The following RBMS2 variants were observed in gnomAD, a reference collection of about 807,000 sequenced individuals.
RBMS2 encodes RNA binding motif single stranded interacting protein 2.
A neutral mutation model predicts 58.4 loss-of-function variants in RBMS2; 38 were observed. The ratio of observed to expected loss-of-function variants is 0.65; its 90% CI spans 0.50 to 0.85. The LOEUF (loss-of-function observed/expected upper bound fraction) is 0.85. Among genes scored for constraint, RBMS2 ranks in the 40% least tolerant of loss-of-function variants. The pLI, the probability that RBMS2 is intolerant of heterozygous loss-of-function variation, is 0.00. For synonymous variants in RBMS2, 151 were observed against 180.7 expected, an observed-to-expected ratio of 0.84 and a Z score of 1.32; for missense variants, 367 against 503.7, an observed-to-expected ratio of 0.73 and a Z score of 2.60.
Position 56,590,244 on chromosome 12 carries a change from A to G in RBMS2, c.*1111A>G, listed in dbSNP as rs1885207488. 6.6e-6 allele frequency: 1 copy of G among 152,204 alleles called. No homozygotes were observed. The highest frequency in any genetic ancestry group is 1.5e-5 in the Non-Finnish European group (1 of 68,054). 9.4% of individuals were successfully genotyped at this position (152,204 alleles called of 1,614,324 possible). On this transcript the variant is annotated 3_prime_UTR_variant, in exon 14 of 14. Coordinates refer to ENST00000262031, the MANE Select transcript of RBMS2 (RefSeq NM_002898.4). ...TTCCCTGTTACACATTGCTGTGCTC[A>G]GAGCCTTTGCAGCTGCGACCTAGTT...
chr12:56,527,706 C>T (rs1872915159), intron 1 of RBMS2, among the ~76,000 whole-genome samples: 1 of 152,008 alleles, frequency 6.6e-6, no homozygotes, highest in Admixed American at 6.6e-5. Flanking sequence ...TCTAGCCCAA[C>T]ACCTACTATC....
At chr12:56,561,692 A>G (rs1880422095) in intron 1 of RBMS2, among the ~76,000 whole-genome samples, 1 of 130,978 alleles carries the variant, frequency 7.6e-6, no homozygotes, top group African/African-American at 3.0e-5. Flanking sequence ...TTTTTTTTGC[A>G]TTTTTAGTAT....
chr12:56,527,379 A>G (rs1872847423), intron 1 of RBMS2, among the ~76,000 whole-genome samples: 1 of 152,180 alleles, frequency 6.6e-6, no homozygotes, highest in South Asian at 2.1e-4. Context: ...TGGGAGGCCA[A>G]GGTGAGTGGA....
chr12:56,528,746 G>A (rs946131927), intron 1 of RBMS2, among the ~76,000 whole-genome samples: 1 of 152,130 alleles, frequency 6.6e-6, no homozygotes, highest in Non-Finnish European at 1.5e-5. Flanking sequence ...GGGGCAACAT[G>A]GTGAAACCCC....
intron 1 of RBMS2, among the ~76,000 whole-genome samples, chr12:56,526,437 C>T (rs1186147354): frequency 2.0e-5 from 3 of 151,982 alleles, no homozygotes; most frequent in Non-Finnish European, 2.9e-5. Flanking sequence ...AGTTTTCTTA[C>T]TCTTTATTGG....
rs1393951498 is a variant in RBMS2 at position 56,592,012 on chromosome 12, T to C, written c.*2879T>C. The C allele has an allele frequency of 6.6e-6, 1 of 152,162 alleles. No homozygotes were observed. Among genetic ancestry groups the C allele is most frequent in the African/African-American group, 2.4e-5 (1 of 41,422 alleles). 9.4% of individuals were successfully genotyped at this position (152,162 alleles called of 1,614,324 possible). On this transcript the variant is annotated 3_prime_UTR_variant, in exon 14 of 14. Transcript: ENST00000262031. ...ATTTCCTCTCCTAATTGTTAGTTCA[T>C]TTGTAACAGTGGGTGAGTGTTTGGA... is the stretch of plus-strand genomic sequence containing the variant.
Position 56,588,329 on chromosome 12 carries a change from C to T in RBMS2, c.1098C>T (p.Tyr366=), listed in dbSNP as rs148998972. The change falls in exon 12 of 14, where the codon TAC becomes TAT. Residue 366 remains tyrosine (Y), a synonymous_variant. Coordinates refer to ENST00000262031, the MANE Select transcript of RBMS2 (RefSeq NM_002898.4). ...CGGCTGCAGCTATGCAAGGAGCTTA[C>T]ATCTCCCAGTACACCCCTGTGCCTT... ...MPTAAAMQGA[Y]ISQYTPVPSS... is the part of the protein sequence containing the mutation. 8.6e-4 allele frequency: 1,388 copies of T among 1,613,888 alleles called. 14 individuals are homozygous for T. In the African/African-American group the frequency reaches 0.015, roughly 18 times the overall value.
chr12:56,567,237 TAGC>T (rs1317872193), intron 2 of RBMS2, among the ~76,000 whole-genome samples: 5 of 151,806 alleles, frequency 3.3e-5, no homozygotes, highest in African/African-American at 1.2e-4. Flanking sequence ...ATGTAAAACT[TAGC>T]TGGGTGTGGT....
In RBMS2 at chr12:56,560,659, C is replaced by T. The variant is rs572976632; in HGVS notation, c.67-1758C>T. On this transcript the variant is annotated intron_variant, in intron 1 of 13. Coordinates refer to ENST00000262031, the MANE Select transcript of RBMS2 (RefSeq NM_002898.4). ...ATTCTCTCACCTCAGCCTCCCAAAG[C>T]GCTGGGATTACAGGTGTGAGCCACT... Among the ~76,000 whole-genome samples the T allele has an allele frequency of 6.6e-5, 10 of 151,494 alleles. No individual in the cohort carries two copies. In the South Asian group the frequency reaches 1.0e-3, roughly 16 times the overall value.
intron 1 of RBMS2, 115 bp downstream of exon 1, chr12:56,522,204 C>A: frequency 1.2e-6 from 1 of 800,486 alleles, no homozygotes; most frequent in East Asian, 2.8e-5. Flanking sequence ...CTCAAGATTC[C>A]TAATTCCTCA....
chr12:56,530,350 CTTTTTTTTTTTTTT>C (rs71081373), intron 1 of RBMS2, among the ~76,000 whole-genome samples: 4 of 63,780 alleles, frequency 6.3e-5, no homozygotes, highest in Admixed American at 2.7e-4. Context: ...TTTCTTTTTC[CTTTTTTTTTTTTTT>C]TTTTTTTTTT....
At chr12:56,585,347 A>T (rs1027584855) in intron 9 of RBMS2, among the ~76,000 whole-genome samples, 1 of 152,150 alleles carries the variant, frequency 6.6e-6, no homozygotes, top group African/African-American at 2.4e-5. Flanking sequence ...CCAATATTGG[A>T]TTATTTCAAA....
chr12:56,555,306 G>A (rs1879032048), intron 1 of RBMS2, among the ~76,000 whole-genome samples: 1 of 151,834 alleles, frequency 6.6e-6, no homozygotes, highest in African/African-American at 2.4e-5. Flanking sequence ...CAGGCATGGT[G>A]GCACATGCCT....
chr12:56,541,990 A>G (rs143283895), intron 1 of RBMS2, among the ~76,000 whole-genome samples: 1 of 152,184 alleles, frequency 6.6e-6, no homozygotes, highest in Non-Finnish European at 1.5e-5. Context: ...ATTTTAAAAG[A>G]TGATACAAGA....
intron 5 of RBMS2, among the ~76,000 whole-genome samples, chr12:56,576,860 G>A (rs1028287334): frequency 6.6e-6 from 1 of 151,528 alleles, no homozygotes; most frequent in Admixed American, 6.6e-5. Flanking sequence ...GGCCAAAATG[G>A]TGAAACCCCG....
chr12:56,588,447 C>T, intron 12 of RBMS2, 73 bp downstream of exon 12: 1 of 1,320,072 alleles, frequency 7.6e-7, no homozygotes, highest in Non-Finnish European at 1.1e-6. Context: ...TGATCAAGAT[C>T]TTTCTCTCAC....
chr12:56,553,470 G>A (rs1189914150), intron 1 of RBMS2, among the ~76,000 whole-genome samples: 1 of 151,812 alleles, frequency 6.6e-6, no homozygotes, highest in African/African-American at 2.4e-5. Flanking sequence ...TAAGATTATA[G>A]GCGCACACCA....
At chr12:56,563,112 G>C (rs1880735734) in intron 2 of RBMS2, among the ~76,000 whole-genome samples, 1 of 151,950 alleles carries the variant, frequency 6.6e-6, no homozygotes, top group African/African-American at 2.4e-5. Flanking sequence ...AATAGAGTGA[G>C]ATTCCATCTC....
At chr12:56,564,441 T>C (rs1880975722) in intron 2 of RBMS2, among the ~76,000 whole-genome samples, 1 of 152,024 alleles carries the variant, frequency 6.6e-6, no homozygotes, top group African/African-American at 2.4e-5. Flanking sequence ...TAATCACAAC[T>C]AACTGTAGCC....
Sources: gnomAD v4.1 joint callset for allele counts (sites outside exome capture counted in the v4.1 genomes callset) on GRCh38, gnomAD v4.1.1 for gene constraint, MANE v1.5 for transcripts, NCBI Gene and HGNC (gene_info 2026-07-23, HGNC 2026-07-21) for gene names.